Variants in SIDT1 observed in about 807,000 individuals in gnomAD.
The protein encoded by SIDT1 is SID1 transmembrane family, member 1.
A neutral mutation model predicts 107.5 loss-of-function variants in SIDT1; 101 were observed. The ratio of observed to expected loss-of-function variants is 0.94; its 90% CI spans 0.80 to 1.11. SIDT1 has a LOEUF of 1.11. Ranked by LOEUF, SIDT1 falls within the 50% of genes least tolerant of loss-of-function variation. The pLI, the probability that SIDT1 is intolerant of heterozygous loss-of-function variation, is 0.00. For missense variants in SIDT1, 1,076 were observed against 1,058.2 expected (o/e 1.02, Z -0.23); for synonymous variants, 395 against 398.2 (o/e 0.99, Z 0.10).
chr3:113,545,482 G>A (rs1440164644), intron 1 of SIDT1, among the ~76,000 whole-genome samples: 1 of 151,996 alleles, frequency 6.6e-6, no homozygotes. Context: ...TATATTGTGG[G>A]TATATATTAA....
chr3:113,555,804 G>A (rs1380112378), intron 1 of SIDT1, among the ~76,000 whole-genome samples: 1 of 151,606 alleles, frequency 6.6e-6, no homozygotes, highest in Non-Finnish European at 1.5e-5. Flanking sequence ...TGGAAGCCAG[G>A]CTGTGAAAAG....
At chr3:113,578,147 A>G (rs1032791684) in intron 4 of SIDT1, among the ~76,000 whole-genome samples, 1 of 152,218 alleles carries the variant, frequency 6.6e-6, no homozygotes, top group African/African-American at 2.4e-5. Context: ...ACTAATTACT[A>G]GGTGCAAAGA....
intron 7 of SIDT1, among the ~76,000 whole-genome samples, chr3:113,583,811 T>C (rs1028219164): frequency 6.6e-5 from 10 of 152,228 alleles, no homozygotes; most frequent in Non-Finnish European, 1.5e-5. Flanking sequence ...GAAGTAATGA[T>C]CTTACACAGC....
At chr3:113,566,359 TG>T in intron 1 of SIDT1, 60 bp from the exon 2 acceptor site, 4 of 1,524,350 alleles carry the variant, frequency 2.6e-6, no homozygotes, top group African/African-American at 2.7e-5. Flanking sequence ...TGTGTGTGTG[TG>T]TGTGTTTGCA....
chr3:113,595,718 G>A (rs1206352019), intron 10 of SIDT1, among the ~76,000 whole-genome samples: 2 of 152,186 alleles, frequency 1.3e-5, no homozygotes, highest in East Asian at 3.9e-4. Flanking sequence ...AAGAAGTAGG[G>A]AATAGGAATA....
At chr3:113,579,444 T>C (rs889425174) in intron 4 of SIDT1, among the ~76,000 whole-genome samples, 1 of 152,182 alleles carries the variant, frequency 6.6e-6, no homozygotes, top group African/African-American at 2.4e-5. Context: ...GGAAATTCCA[T>C]GCTCCTCATC....
chr3:113,629,643 G>A (rs1947063077), downstream of SIDT1: 1 of 152,200 alleles, frequency 6.6e-6, no homozygotes, highest in Admixed American at 6.5e-5. Flanking sequence ...GAAGACCAAG[G>A]GAGGAAATGT....
chr3:113,565,160 T>A (rs1237619090), intron 1 of SIDT1, among the ~76,000 whole-genome samples: 1 of 151,430 alleles, frequency 6.6e-6, no homozygotes, highest in Non-Finnish European at 1.5e-5. Context: ...AGATTAAATT[T>A]TGTTGTTGTT....
chr3:113,578,356 A>G (rs58038438), intron 4 of SIDT1, among the ~76,000 whole-genome samples: 3,193 of 151,508 alleles, frequency 0.021, 64 homozygotes, highest in African/African-American at 0.055. Flanking sequence ...GGTCCCAGCT[A>G]CTCGGGAGGC....
At chr3:113,568,622 A>AAAAGAAAAGG (rs1942155926) in intron 3 of SIDT1, among the ~76,000 whole-genome samples, 1 of 151,498 alleles carries the variant, frequency 6.6e-6, no homozygotes, top group Non-Finnish European at 1.5e-5. Flanking sequence ...AAAAGAAAAG[A>AAAAGAAAAGG]AAAGAAAAAA....
At chr3:113,626,878 G>C (rs1382511940) in intron 24 of SIDT1, among the ~76,000 whole-genome samples, 1 of 152,110 alleles carries the variant, frequency 6.6e-6, no homozygotes, top group Non-Finnish European at 1.5e-5. Context: ...AGACTCCCGG[G>C]CTCCAGACCT....
chr3:113,634,565 G>C (rs548435359), downstream of SIDT1, among the ~76,000 whole-genome samples: 2 of 152,238 alleles, frequency 1.3e-5, no homozygotes, highest in African/African-American at 4.8e-5. Flanking sequence ...GGAGGTCGAG[G>C]CAAGTGGATC....
intron 10 of SIDT1, among the ~76,000 whole-genome samples, chr3:113,597,770 C>G (rs985053353): frequency 2.6e-5 from 4 of 152,188 alleles, no homozygotes; most frequent in African/African-American, 9.7e-5. Flanking sequence ...AAACACATAT[C>G]AAAACAAGTT....
intron 21 of SIDT1, among the ~76,000 whole-genome samples, chr3:113,620,416 T>C (rs911449307): frequency 1.3e-5 from 2 of 152,156 alleles, no homozygotes; most frequent in African/African-American, 4.8e-5. Flanking sequence ...AAATATTTTA[T>C]TGATCACTCA....
intron 2 of SIDT1, 62 bp downstream of exon 2, chr3:113,566,603 T>C: frequency 2.6e-6 from 4 of 1,553,762 alleles, no homozygotes; most frequent in Non-Finnish European, 3.5e-6. Context: ...TCCTAGAACT[T>C]AATTGGTCTT....
At chr3:113,539,755 T>C (rs1462044850) in intron 1 of SIDT1, among the ~76,000 whole-genome samples, 2 of 151,972 alleles carry the variant, frequency 1.3e-5, no homozygotes, top group Non-Finnish European at 2.9e-5. Flanking sequence ...ATAAAAAGGT[T>C]ATTTGGGGAG....
chr3:113,572,322 C>G (rs1334890285), intron 3 of SIDT1, among the ~76,000 whole-genome samples: 2 of 152,186 alleles, frequency 1.3e-5, no homozygotes, highest in African/African-American at 2.4e-5. Flanking sequence ...TACAGTTAGG[C>G]AGACTAGTGC....
chr3:113,604,910 G>A lies in SIDT1; in HGVS notation c.1338G>A (p.Trp446Ter), dbSNP rs1172671876. ...TTTCTGGTTCTTTCTGCCTGCATAG[G>A]AACATCATCACCATTGCTGTGTTTT... is the stretch of plus-strand genomic sequence containing the variant. ...IVSKKYKIYF[W>*]NIITIAVFYA... The change falls in exon 14 of 25, where the codon TGG becomes TGA. Residue 446 changes from tryptophan to a stop codon, truncating the protein, a stop_gained and splice_region_variant. Coordinates refer to ENST00000264852, the MANE Select transcript of SIDT1 (RefSeq NM_017699.3). LOFTEE classifies it high-confidence loss of function. The A allele has an allele frequency of 6.2e-7, 1 of 1,613,946 alleles. No individual in the cohort carries two copies. Among genetic ancestry groups the A allele is most frequent in the Admixed American group, 1.7e-5 (1 of 60,016 alleles).
intron 7 of SIDT1, 92 bp from the exon 8 acceptor site, chr3:113,584,606 A>C (rs1312847294): frequency 2.5e-6 from 2 of 802,720 alleles, no homozygotes; most frequent in Admixed American, 5.0e-5. Context: ...TTAATTCTGG[A>C]CATTTTTTGA....
Sources: gnomAD v4.1 joint callset for allele counts (sites outside exome capture counted in the v4.1 genomes callset) on GRCh38, gnomAD v4.1.1 for gene constraint, MANE v1.5 for transcripts, NCBI Gene and HGNC (gene_info 2026-07-23, HGNC 2026-07-21) for gene names.